The following LAMA1 variants were observed in gnomAD, a reference collection of about 807,000 sequenced individuals.
LAMA1 encodes the protein laminin subunit alpha-1.
In LAMA1, 219 loss-of-function variants were observed where a neutral mutation model predicts 348.7. The ratio of observed to expected loss-of-function variants is 0.63; its 90% confidence interval spans 0.56 to 0.70. The LOEUF (loss-of-function observed/expected upper bound fraction) is 0.70, where lower values mean the gene tolerates loss of function less well. LAMA1 is among the 30% of genes least tolerant of loss of function. The probability of loss-of-function intolerance (pLI) is 0.00; values close to 1 mark genes in which losing one functional copy is unlikely to be tolerated. For synonymous variants in LAMA1, 1,487 were observed against 1,491.0 expected (o/e 1.00, Z 0.06); for missense variants, 3,744 against 3,888.0 (o/e 0.96, Z 0.99).
Position 6,943,265 on chromosome 18 carries a change from G to A in LAMA1, c.8982C>T (p.Asp2994=), listed in dbSNP as rs2016639. Residue 2994 remains aspartate (D), a synonymous_variant, in exon 62 of 63, where the codon GAC becomes GAT. Coordinates refer to ENST00000389658, the MANE Select transcript of LAMA1 (RefSeq NM_005559.4). ...GACTTTCAGCGCCAACTGCGTTCCC[G>A]TCAACAATCAGAGTGATACGGTGTT... ...KSKHRITLIV[D]GNAVGAESPH... is the part of the protein sequence containing the mutation. The A allele has an allele frequency of 0.32, 518,009 of 1,613,688 alleles. 88,005 individuals are homozygous for A. The highest frequency in any genetic ancestry group is 0.44 in the South Asian group (40,161 of 91,078).
rs1026555845 is a variant in LAMA1, at chr18:7,023,264, G to A, written c.2601C>T (p.Thr867=). 15 of 1,614,034 alleles carry A rather than the reference G, an allele frequency of 9.3e-6. No individual in the cohort carries two copies. Among genetic ancestry groups the A allele is most frequent in the East Asian group, 2.2e-5 (1 of 44,856 alleles). Residue 867 remains threonine, a synonymous_variant, in exon 19 of 63, where the codon ACC becomes ACT. Transcript: ENST00000389658. ...PSEAGHCDSV[T]GECLKCLGNT... ...TCCCCAGGCACTTCAGGCACTCCCC[G>A]GTGACTGAGTCACAGTGACCAGCCT...
chr18:6,950,969 A>C lies in LAMA1; in HGVS notation c.8210T>G (p.Leu2737Arg). The C allele has an allele frequency of 6.2e-7, 1 of 1,613,486 alleles. No homozygotes were observed. Among genetic ancestry groups the C allele is most frequent in the African/African-American group, 1.3e-5 (1 of 75,050 alleles). The change falls in exon 58 of 63, where the codon CTC becomes CGC. Residue 2737 changes from leucine to arginine, a missense_variant and splice_region_variant. Leu to Arg is a moderately radical substitution (Grantham distance 102). Around this residue, in one of 3 missense-constraint regions of LAMA1, gnomAD observed 1,983 missense variants for 1,934.3 expected, o/e 1.03. Transcript: ENST00000389658. ...CGTGCGGATGCTTAGCTCAACCGAGAGCCTGGGGAAAACAAGTGCTCAGCG... is the reference window on the plus strand; with the variant it reads ...CGTGCGGATGCTTAGCTCAACCGAGCGCCTGGGGAAAACAAGTGCTCAGCG... ...PFNQSAVRKK[L>R]SVELSIRTFA...
intron 1 of LAMA1, among the ~76,000 whole-genome samples, chr18:7,099,494 A>C (rs185552696): frequency 8.1e-4 from 123 of 151,782 alleles, no homozygotes; most frequent in African/African-American, 1.9e-3. Context: ...AAAAAAACAA[A>C]AAAAAAAATG....
intron 51 of LAMA1, among the ~76,000 whole-genome samples, chr18:6,964,415 C>T (rs142297764): frequency 1.2e-3 from 190 of 152,266 alleles, no homozygotes; most frequent in African/African-American, 4.3e-3. Context: ...AATGTGGACA[C>T]AGGACCCAGG....
chr18:7,084,900 T>C (rs2058208509), intron 1 of LAMA1, among the ~76,000 whole-genome samples: 1 of 152,234 alleles, frequency 6.6e-6, no homozygotes, highest in South Asian at 2.1e-4. Context: ...CCAAAGCATC[T>C]AAAATGTTGG....
intron 16 of LAMA1, among the ~76,000 whole-genome samples, chr18:7,029,937 C>T (rs1287039403): frequency 1.3e-5 from 2 of 150,156 alleles, no homozygotes; most frequent in African/African-American, 4.9e-5. Flanking sequence ...TGAACAACTA[C>T]ACAAAAGGAA....
At chr18:6,995,534 T>G (rs1419635773) in intron 33 of LAMA1, 88 bp from the exon 34 acceptor site, 1 of 780,700 alleles carries the variant, frequency 1.3e-6, no homozygotes, top group East Asian at 2.5e-5. Context: ...TCTTTTTTGT[T>G]CACAGAAAGA....
At chr18:7,049,866 T>C (rs149122176) in intron 4 of LAMA1, among the ~76,000 whole-genome samples, 3 of 152,314 alleles carry the variant, frequency 2.0e-5, no homozygotes, top group South Asian at 2.1e-4. Context: ...TAAAATTTGA[T>C]ATAAAAGAAA....
chr18:6,992,640 G>A lies in LAMA1; in HGVS notation c.5089C>T (p.Gln1697Ter). ...LPNSTLQNMQ[Q>*]NGTSLLEIMQ... Reference sequence around the variant, plus strand: ...ATTTCTAGCAAAGATGTACCATTCTGTTGCATGTTCTGAAGAGTAGAATTG... The same window carrying A: ...ATTTCTAGCAAAGATGTACCATTCTATTGCATGTTCTGAAGAGTAGAATTG... Residue 1697 changes from glutamine (Q) to a stop codon, truncating the protein, a stop_gained, in exon 36 of 63, where the codon CAG becomes TAG. Coordinates refer to ENST00000389658, the MANE Select transcript of LAMA1 (RefSeq NM_005559.4). LOFTEE classifies it high-confidence loss of function. 6.2e-7 allele frequency: 1 copy of A among 1,613,648 alleles called. No individual in the cohort carries two copies. Among genetic ancestry groups the A allele is most frequent in the Non-Finnish European group, 8.5e-7 (1 of 1,179,526 alleles).
At chr18:7,043,921 C>T (rs189481525) in intron 7 of LAMA1, among the ~76,000 whole-genome samples, 31 of 152,090 alleles carry the variant, frequency 2.0e-4, no homozygotes, top group Admixed American at 7.2e-4. Flanking sequence ...TTTGGGAGGC[C>T]GAGGCGGGCG....
Position 6,971,991 on chromosome 18 carries a change from ACAAG to A in LAMA1, c.6775-14_6775-11del. 1 of 1,613,722 alleles carries A rather than the reference ACAAG, an allele frequency of 6.2e-7. No homozygotes were observed. The highest frequency in any genetic ancestry group is 8.5e-7 in the Non-Finnish European group (1 of 1,179,982). ...TCACAGCAGGAGATTTCTAATGCAAACAAGCAAACAAACATAACCAATATATAAG... is the reference window on the plus strand; with the variant it reads ...TCACAGCAGGAGATTTCTAATGCAAACAAACAAACATAACCAATATATAAG... On this transcript the variant is annotated splice_polypyrimidine_tract_variant and intron_variant, in intron 47 of 62. Transcript: ENST00000389658.
chr18:7,071,735 G>A (rs1001770583), intron 3 of LAMA1, among the ~76,000 whole-genome samples: 1 of 152,194 alleles, frequency 6.6e-6, no homozygotes, highest in Non-Finnish European at 1.5e-5. Context: ...TCAGCTGGAG[G>A]GTCAGAGTGG....
rs73938523 is a variant in LAMA1, at chr18:6,982,142, A to G, written c.5890+355T>C. 8.3e-4 allele frequency among the ~76,000 whole-genome samples: 126 copies of G among 152,288 alleles called. 1 individual carries two copies. The highest frequency in any genetic ancestry group is 2.8e-3 in the African/African-American group (115 of 41,568). On this transcript the variant is annotated intron_variant, in intron 41 of 62. Transcript: ENST00000389658. ...AATATCAAGCATAATACATCTCCTCAAGGAAAAACTAGAGGAGCACACGCA... is the reference window on the plus strand; with the variant it reads ...AATATCAAGCATAATACATCTCCTCGAGGAAAAACTAGAGGAGCACACGCA...
rs757715487 is a variant in LAMA1, at chr18:7,033,046, C to T, written c.2101G>A (p.Val701Met). ...DIASSNAIDL[V>M]VAADVEHCEC... is the part of the protein sequence containing the mutation. ...CAGTGCTCCACATCAGCGGCCACCA[C>T]CAGGTCGATGGCATTAGAGCTGGCT... The change falls in exon 15 of 63, where the codon GTG becomes ATG. Residue 701 changes from valine (V) to methionine (M), a missense_variant. By Grantham distance (21) the Val-to-Met change is conservative. Around this residue, in one of 3 missense-constraint regions of LAMA1, gnomAD observed 1,529 missense variants for 1,689.4 expected, o/e 0.91. Coordinates refer to ENST00000389658, the MANE Select transcript of LAMA1 (RefSeq NM_005559.4). The T allele has an allele frequency of 3.1e-6, 5 of 1,612,406 alleles. No individual in the cohort carries two copies. The East Asian group carries it at 6.7e-5, about 22-fold the overall frequency.
At chr18:7,062,025 G>A (rs189748045) in intron 3 of LAMA1, among the ~76,000 whole-genome samples, 33 of 152,342 alleles carry the variant, frequency 2.2e-4, no homozygotes, top group African/African-American at 5.5e-4. Context: ...GGACACTGGG[G>A]ACAAGGGACG....
chr18:7,039,935 G>C, intron 10 of LAMA1, 141 bp downstream of exon 10: 1 of 922,050 alleles, frequency 1.1e-6, no homozygotes, highest in Non-Finnish European at 1.7e-6. Flanking sequence ...ACTCGGTGTG[G>C]CTTGGAGAGA....
At chr18:6,969,143 C>CTT (rs879261462) in intron 48 of LAMA1, among the ~76,000 whole-genome samples, 1 of 147,096 alleles carries the variant, frequency 6.8e-6, no homozygotes. Flanking sequence ...TCCAGATGCA[C>CTT]TTTTTTTTTT....
Position 7,016,608 on chromosome 18 carries a change from A to T in LAMA1, c.2872T>A (p.Ser958Thr), listed in dbSNP as rs1018929575. 1 of 1,614,174 alleles carries T rather than the reference A, an allele frequency of 6.2e-7. No homozygotes were observed. Among genetic ancestry groups the T allele is most frequent in the Non-Finnish European group, 8.5e-7 (1 of 1,180,040 alleles). The change falls in exon 21 of 63, where the codon TCC becomes ACC. Residue 958 changes from serine (S) to threonine (T), a missense_variant. Physicochemically the swap from Ser to Thr is moderately conservative, Grantham distance 58. Transcript: ENST00000389658. ...TCATCCGTGCAGCCATCTGACACGG[A>T]GCCTGCCACGCTGCAGTTGCAGGGC... ...CRPCNCSVAG[S>T]VSDGCTDEGQ...
intron 4 of LAMA1, among the ~76,000 whole-genome samples, chr18:7,049,832 G>A (rs1346885694): frequency 3.3e-5 from 5 of 152,116 alleles, no homozygotes; most frequent in African/African-American, 1.2e-4. Flanking sequence ...ATGTTTTCCT[G>A]AATGTAAATT....
Sources: allele counts gnomAD v4.1 joint callset (sites outside exome capture counted in the v4.1 genomes callset), GRCh38; gene constraint gnomAD v4.1.1; regional missense constraint gnomAD v4.1.1; transcripts MANE v1.5; gene names NCBI Gene and HGNC (gene_info 2026-07-23, HGNC 2026-07-21).